TMIGD1: variants seen among roughly 807,000 people sequenced by gnomAD.
The protein encoded by TMIGD1 is transmembrane and immunoglobulin domain containing 1, also known as transmembrane and immunoglobulin domain-containing protein 1.
Under a neutral mutation model 27.5 loss-of-function variants are expected in TMIGD1, and 29 were observed. The observed-to-expected ratio is 1.05, with a 90% CI of 0.78 to 1.44. The LOEUF is 1.44. Among genes scored for constraint, TMIGD1 ranks in the 40% most tolerant of loss-of-function variants. The pLI is 0.00. For synonymous variants in TMIGD1, 109 were observed against 110.3 expected (o/e 0.99, Z 0.07); for missense variants, 334 against 310.6 (o/e 1.08, Z -0.57).
chr17:30,329,577 T>A, intron 2 of TMIGD1, 48 bp from the exon 3 acceptor site: 1 of 1,520,894 alleles, frequency 6.6e-7, no homozygotes, highest in Non-Finnish European at 9.0e-7. Context: ...TAAACAACCT[T>A]AATGCTCATG....
intron 4 of TMIGD1, among the ~76,000 whole-genome samples, chr17:30,320,757 TG>T (rs1351584629): frequency 2.0e-5 from 3 of 152,200 alleles, no homozygotes; most frequent in Non-Finnish European, 4.4e-5. Context: ...CTTGGGAGGC[TG>T]GGGCAGGAGG....
In TMIGD1 at chr17:30,332,176, C is replaced by CAAAACCACAAAAT. The variant is rs760827578; in HGVS notation, c.-25-19_-25-18insATTTTGTGGTTTT. Reference sequence around the variant, plus strand: ...CAGATCTACTAAGGGAAAAATAGTGCAGTTGGTTTTGTACTTTGGTCTGCA... The same window carrying CAAAACCACAAAAT: ...CAGATCTACTAAGGGAAAAATAGTGCAAAACCACAAAATAGTTGGTTTTGTACTTTGGTCTGCA... On this transcript the variant is annotated intron_variant, in intron 1 of 6. Coordinates refer to ENST00000328886, the MANE Select transcript of TMIGD1 (RefSeq NM_206832.3). 6.5e-7 allele frequency: 1 copy of CAAAACCACAAAAT among 1,537,402 alleles called. No individual in the cohort carries two copies. Among genetic ancestry groups the CAAAACCACAAAAT allele is most frequent in the South Asian group, 1.2e-5 (1 of 86,668 alleles).
intron 3 of TMIGD1, among the ~76,000 whole-genome samples, chr17:30,328,729 G>A (rs1909867487): frequency 6.6e-6 from 1 of 152,074 alleles, no homozygotes; most frequent in Non-Finnish European, 1.5e-5. Flanking sequence ...GCTGAGGTAG[G>A]CGGTTCACTC....
chr17:30,330,253 T>C (rs1909932240), intron 2 of TMIGD1, among the ~76,000 whole-genome samples: 1 of 150,750 alleles, frequency 6.6e-6, no homozygotes, highest in Admixed American at 6.6e-5. Context: ...CACATATGTG[T>C]GTATGTGTGT....
At chr17:30,333,160 G>A (rs1483515056) in intron 1 of TMIGD1, among the ~76,000 whole-genome samples, 1 of 151,954 alleles carries the variant, frequency 6.6e-6, no homozygotes, top group Non-Finnish European at 1.5e-5. Flanking sequence ...TGGGTGCAGT[G>A]GCTCATGCCT....
At chr17:30,328,616 G>A (rs552280939) in intron 3 of TMIGD1, among the ~76,000 whole-genome samples, 5 of 152,038 alleles carry the variant, frequency 3.3e-5, no homozygotes, top group African/African-American at 1.2e-4. Flanking sequence ...ACAAAAAAAA[G>A]ACCATTATGT....
At chr17:30,323,187 A>C (rs1259599148) in intron 4 of TMIGD1, among the ~76,000 whole-genome samples, 1 of 152,112 alleles carries the variant, frequency 6.6e-6, no homozygotes, top group Non-Finnish European at 1.5e-5. Flanking sequence ...ATAAAAGAAA[A>C]AGAAAGAAAA....
At chr17:30,327,051 C>T (rs1909806245) in intron 3 of TMIGD1, among the ~76,000 whole-genome samples, 1 of 147,788 alleles carries the variant, frequency 6.8e-6, no homozygotes, top group African/African-American at 2.6e-5. Flanking sequence ...ACTATACACA[C>T]ACACACACAC....
chr17:30,318,688 G>T (rs1430185111), intron 5 of TMIGD1, 122 bp downstream of exon 5: 14 of 623,864 alleles, frequency 2.2e-5, no homozygotes, highest in Non-Finnish European at 4.0e-5. Flanking sequence ...AGATCTCATG[G>T]TATAAAGACC....
intron 3 of TMIGD1, among the ~76,000 whole-genome samples, chr17:30,327,907 T>C (rs1023080330): frequency 1.3e-5 from 2 of 152,138 alleles, no homozygotes; most frequent in African/African-American, 2.4e-5. Context: ...ATCATCTACA[T>C]TGTATCACTT....
intron 3 of TMIGD1, 70 bp from the exon 4 acceptor site, chr17:30,325,164 C>T: frequency 2.7e-6 from 4 of 1,480,814 alleles, no homozygotes; most frequent in Non-Finnish European, 3.7e-6. Flanking sequence ...TCAAAGTCTT[C>T]CTTCAATCTA....
At chr17:30,320,508 C>G (rs1437678986) in intron 4 of TMIGD1, among the ~76,000 whole-genome samples, 1 of 152,120 alleles carries the variant, frequency 6.6e-6, no homozygotes, top group East Asian at 1.9e-4. Context: ...TAAAATGCAA[C>G]CTGGCATCAA....
rs1481714506 is a variant in TMIGD1, at chr17:30,324,987, T to C, written c.469A>G (p.Lys157Glu). The C allele has an allele frequency of 1.9e-6, 3 of 1,614,134 alleles. No individual in the cohort carries two copies. Among genetic ancestry groups the C allele is most frequent in the East Asian group, 2.2e-5 (1 of 44,890 alleles). Residue 157 changes from lysine (K) to glutamate (E), a missense_variant, in exon 4 of 7, where the codon AAA (lysine) becomes GAA (glutamate). Lys to Glu is a moderately conservative substitution (Grantham distance 56). Coordinates refer to ENST00000328886, the MANE Select transcript of TMIGD1 (RefSeq NM_206832.3). ...TCTAAATCGAGGAGACTACTGTTTT[T>C]GTACCACATCATTTGAGCCTGGGGG... Reference protein sequence around the residue: ...ANPQAQMMWYKNSSLLDLEKS... With the variant: ...ANPQAQMMWYENSSLLDLEKS...
intron 3 of TMIGD1, 23 bp downstream of exon 3, chr17:30,329,227 GC>G: frequency 6.2e-7 from 1 of 1,607,736 alleles, no homozygotes; most frequent in Non-Finnish European, 8.5e-7. Flanking sequence ...AGACCCACTA[GC>G]TGTTTCTTTT....
chr17:30,327,292 C>T (rs753353231), intron 3 of TMIGD1, among the ~76,000 whole-genome samples: 1 of 152,124 alleles, frequency 6.6e-6, no homozygotes, highest in Non-Finnish European at 1.5e-5. Flanking sequence ...TGGTGCACGC[C>T]TGTAGTCCCA....
At chr17:30,322,648 T>A (rs1355902230) in intron 4 of TMIGD1, among the ~76,000 whole-genome samples, 1 of 152,154 alleles carries the variant, frequency 6.6e-6, no homozygotes, top group Non-Finnish European at 1.5e-5. Context: ...TACAGGTGGC[T>A]ACCATCATGC....
Position 30,329,366 on chromosome 17 carries a change from G to T in TMIGD1, c.246C>A (p.Ile82=). The change falls in exon 3 of 7, where the codon ATC becomes ATA. Residue 82 remains isoleucine (I), a synonymous_variant. Transcript: ENST00000328886. The stretch of plus-strand genomic sequence containing the variant: ...AAGAGACACAGACAGAGCTGGAATT[G>T]ATTTTGTTTCCAGATTTCAAATCCA... ...GRVDLKSGNK[I]NSSSVCVSSI... is the part of the protein sequence containing the mutation. The T allele has an allele frequency of 6.2e-7, 1 of 1,614,094 alleles. No individual in the cohort carries two copies. The highest frequency in any genetic ancestry group is 8.5e-7 in the Non-Finnish European group (1 of 1,180,014).
chr17:30,316,876 CTTG>C (rs1338832174), intron 6 of TMIGD1, 186 bp from the exon 7 acceptor site: 1 of 662,226 alleles, frequency 1.5e-6, no homozygotes, highest in Non-Finnish European at 2.6e-6. Flanking sequence ...GGTTCCTGGC[CTTG>C]TTGTAAAGCA....
intron 3 of TMIGD1, among the ~76,000 whole-genome samples, chr17:30,327,569 A>AT (rs921781456): frequency 3.9e-4 from 59 of 150,714 alleles, no homozygotes; most frequent in African/African-American, 1.4e-3. Flanking sequence ...ATTTTATTTT[A>AT]TTTTTTTTGA....
Sources: gnomAD v4.1 joint callset for allele counts (sites outside exome capture counted in the v4.1 genomes callset) on GRCh38, gnomAD v4.1.1 for gene constraint, MANE v1.5 for transcripts, NCBI Gene and HGNC (gene_info 2026-07-23, HGNC 2026-07-21) for gene names.